LRRFIP1: variants seen among roughly 807,000 people sequenced by gnomAD.
The protein encoded by LRRFIP1 is leucine-rich repeat flightless-interacting protein 1.
LRRFIP1 carries 62 observed loss-of-function variants against 104.4 expected under a neutral mutation model. The ratio of observed to expected loss-of-function variants is 0.59; its 90% confidence interval spans 0.48 to 0.73. The LOEUF (loss-of-function observed/expected upper bound fraction) is 0.73, where lower values mean the gene tolerates loss of function less well. Ranked by LOEUF, LRRFIP1 falls within the 30% of genes least tolerant of loss-of-function variation. The probability of loss-of-function intolerance (pLI) is 0.00; values close to 1 mark genes in which losing one functional copy is unlikely to be tolerated. For synonymous variants in LRRFIP1, 300 were observed against 299.0 expected (o/e 1.00, Z -0.03); for missense variants, 796 against 824.5 (o/e 0.97, Z 0.42).
chr2:237,723,402 ATAT>A (rs1232598249), intron 6 of LRRFIP1, 143 bp from the exon 7 acceptor site: 35 of 742,926 alleles, frequency 4.7e-5, no homozygotes, highest in Non-Finnish European at 6.8e-5. Flanking sequence ...TTGTAAATAC[ATAT>A]TAGATCCTAG....
chr2:237,686,076 C>T (rs59907666), intron 1 of LRRFIP1, among the ~76,000 whole-genome samples: 2,207 of 152,254 alleles, frequency 0.014, 56 homozygotes, highest in African/African-American at 0.05. Flanking sequence ...TTATCCTTCC[C>T]ATGTAAGTGT....
chr2:237,677,887 A>G (rs575739514), intron 1 of LRRFIP1, among the ~76,000 whole-genome samples: 1 of 152,318 alleles, frequency 6.6e-6, no homozygotes, highest in South Asian at 2.1e-4. Flanking sequence ...CTAATATTGT[A>G]TTCTAAATGT....
chr2:237,740,274 G>A (rs189749682), intron 11 of LRRFIP1, among the ~76,000 whole-genome samples: 311 of 151,968 alleles, frequency 2.0e-3, no homozygotes, highest in Non-Finnish European at 3.2e-3. Context: ...AAATTAGCCA[G>A]GTGTGGAGGC....
At position 237,691,383 on chromosome 2, in the gene LRRFIP1, C is replaced by G. The variant is rs553865297; in HGVS notation, c.97-17161C>G. Among the ~76,000 whole-genome samples the G allele has an allele frequency of 6.6e-6, 1 of 152,296 alleles. No homozygotes were observed. The highest frequency in any genetic ancestry group is 6.5e-5 in the Admixed American group (1 of 15,310). On this transcript the variant is annotated intron_variant, in intron 1 of 23. Coordinates refer to ENST00000308482, the MANE Select transcript of LRRFIP1 (RefSeq NM_001137550.2). This position sits in a 1 kb window ranked among gnomAD's most constrained non-coding sequence, Gnocchi z 5.4. ...GCGCCTGGCAGGGGGTCGTCGCGGCCGCAGCCTGGACGGTGTGGACCCCGG... is the reference window on the plus strand; with the variant it reads ...GCGCCTGGCAGGGGGTCGTCGCGGCGGCAGCCTGGACGGTGTGGACCCCGG...
chr2:237,719,501 C>A (rs974652968), intron 4 of LRRFIP1, 22 bp from the exon 5 acceptor site: 1 of 1,606,650 alleles, frequency 6.2e-7, no homozygotes. Flanking sequence ...CTAACCTTTT[C>A]ATGCTGTTTC....
At position 237,717,795 on chromosome 2, in the gene LRRFIP1, A is replaced by G. The variant is rs770040148; in HGVS notation, c.235A>G (p.Ile79Val). ...TGGGCTGGATACAAAATGGGGTGAC[A>G]TCGAGCAGTGGATGGTAGGCCTTGA... ...YYGLDTKWGD[I>V]EQWMEDSERY... Residue 79 changes from isoleucine to valine, a missense_variant, in exon 4 of 24, where the codon ATC becomes GTC. Ile to Val is a conservative substitution (Grantham distance 29, BLOSUM62 3). Transcript: ENST00000308482. This position sits in a 1 kb window ranked among gnomAD's most constrained non-coding sequence, Gnocchi z 4.2. 1.2e-6 allele frequency: 2 copies of G among 1,612,776 alleles called. No homozygotes were observed. The highest frequency in any genetic ancestry group is 1.1e-5 in the South Asian group (1 of 91,054).
chr2:237,706,399 T>G (rs1187244324), intron 1 of LRRFIP1, among the ~76,000 whole-genome samples: 1 of 152,080 alleles, frequency 6.6e-6, no homozygotes, highest in Non-Finnish European at 1.5e-5. Flanking sequence ...TCTCTGTTCC[T>G]CTGCCCCCCA....
intron 19 of LRRFIP1, chr2:237,763,447 GA>G (rs753474563): frequency 2.2e-5 from 36 of 1,613,144 alleles, no homozygotes; most frequent in Non-Finnish European, 3.0e-5. Flanking sequence ...AAAACAAGAA[GA>G]AAAAATCCCC....
At chr2:237,675,477 C>A (rs2091009707) in intron 1 of LRRFIP1, among the ~76,000 whole-genome samples, 1 of 152,206 alleles carries the variant, frequency 6.6e-6, no homozygotes, top group Admixed American at 6.5e-5. Flanking sequence ...GCTTCACCAG[C>A]CTGCCAGGGG....
intron 19 of LRRFIP1, chr2:237,765,539 GTAC>G (rs149485415): frequency 0.067 from 65,221 of 966,270 alleles, 2,628 homozygotes; most frequent in Middle Eastern, 0.11. Context: ...ACTTGTTCTT[GTAC>G]AAGCTACTAA....
chr2:237,733,765 A>G lies in LRRFIP1; in HGVS notation c.445-9A>G, dbSNP rs529758523. On this transcript the variant is annotated splice_polypyrimidine_tract_variant and intron_variant, in intron 8 of 23. Transcript: ENST00000308482. The stretch of plus-strand genomic sequence containing the variant: ...CTTTTAAAACCTGCCATTTGCTTTC[A>G]TCCTCCAGCCCTCCTGTCTGTACAG... 5 of 1,613,800 alleles carry G rather than the reference A, an allele frequency of 3.1e-6. No individual in the cohort carries two copies. The Admixed American group carries it at 6.7e-5, about 22-fold the overall frequency.
chr2:237,713,147 C>G (rs3769090), intron 2 of LRRFIP1, among the ~76,000 whole-genome samples: 1 of 151,394 alleles, frequency 6.6e-6, no homozygotes, highest in Non-Finnish European at 1.5e-5. Context: ...GGAGCGTGTA[C>G]GGAGAGGGGA....
At chr2:237,663,922 C>T (rs1273873922) in intron 1 of LRRFIP1, among the ~76,000 whole-genome samples, 1 of 152,198 alleles carries the variant, frequency 6.6e-6, no homozygotes, top group Non-Finnish European at 1.5e-5. Context: ...TGCATGAGGT[C>T]TCCTAAGTAG....
At position 237,780,990 on chromosome 2, in the gene LRRFIP1, G is replaced by A. The variant is rs2061419240; in HGVS notation, c.*1458G>A. On this transcript the variant is annotated 3_prime_UTR_variant, in exon 24 of 24. Coordinates refer to ENST00000308482, the MANE Select transcript of LRRFIP1 (RefSeq NM_001137550.2). ...GACAGGTGAGCAAAATGTGCTGGCA[G>A]GTGGGCACCACTGGGAGACCCACAC... 1.3e-5 allele frequency among the ~76,000 whole-genome samples: 2 copies of A among 151,258 alleles called. No individual in the cohort carries two copies. Among genetic ancestry groups the A allele is most frequent in the African/African-American group, 2.5e-5 (1 of 40,534 alleles).
At position 237,776,263 on chromosome 2, in the gene LRRFIP1, T is replaced by A. The variant is rs187868893; in HGVS notation, c.1812+1801T>A. Among the ~76,000 whole-genome samples the A allele has an allele frequency of 1.5e-4, 23 of 152,306 alleles. No homozygotes were observed. In the East Asian group the frequency reaches 4.4e-3, roughly 29 times the overall value. On this transcript the variant is annotated intron_variant, in intron 23 of 23. Transcript: ENST00000308482. ...GCATGAGCCACCATGCCTGGCCCAT[T>A]TAACCTTCTAGCCTACTTTTGCTAT...
intron 1 of LRRFIP1, among the ~76,000 whole-genome samples, chr2:237,676,701 C>T (rs1285410022): frequency 6.6e-6 from 1 of 152,212 alleles, no homozygotes; most frequent in African/African-American, 2.4e-5. Context: ...TTGGGTTTCA[C>T]CCTGTTGGCC....
intron 1 of LRRFIP1, chr2:237,692,573 A>C (rs1311363441): frequency 6.8e-7 from 1 of 1,466,036 alleles, no homozygotes; most frequent in Non-Finnish European, 9.1e-7. Context: ...GCGGGGTTTC[A>C]GGGGCTTCCA....
At position 237,727,880 on chromosome 2, in the gene LRRFIP1, A is replaced by G. The variant is rs2094826850; in HGVS notation, c.389A>G (p.Asn130Ser). ...CTCTTTTCTTCATTGAAACAGACAA[A>G]TGGTTATGATGGAGAATTGTATGGA... ...LEYGGPYAWT[N>S]GYDGELYGSQ... is the part of the protein sequence containing the mutation. The change falls in exon 8 of 24, where the codon AAT becomes AGT. Residue 130 changes from asparagine to serine, a missense_variant. Asn to Ser is a conservative substitution (Grantham distance 46). Coordinates refer to ENST00000308482, the MANE Select transcript of LRRFIP1 (RefSeq NM_001137550.2). The G allele has an allele frequency of 1.9e-6, 3 of 1,611,260 alleles. No individual in the cohort carries two copies. Among genetic ancestry groups the G allele is most frequent in the South Asian group, 2.2e-5 (2 of 90,766 alleles).
intron 1 of LRRFIP1, among the ~76,000 whole-genome samples, chr2:237,683,253 G>A (rs537567283): frequency 1.5e-4 from 23 of 152,334 alleles, no homozygotes; most frequent in African/African-American, 4.1e-4. Context: ...TCAAGCCGAC[G>A]GTCAGGTCAG....
Sources: allele counts gnomAD v4.1 joint callset (sites outside exome capture counted in the v4.1 genomes callset), GRCh38; gene constraint gnomAD v4.1.1; non-coding constraint Gnocchi (gnomAD v3.1); transcripts MANE v1.5; gene names NCBI Gene and HGNC (gene_info 2026-07-23, HGNC 2026-07-21).